Variants in RBM5 observed in about 807,000 individuals in gnomAD.
RBM5 encodes RNA-binding protein 5.
In RBM5, 15 loss-of-function variants were observed where a neutral mutation model predicts 124.6. The ratio of observed to expected loss-of-function variants is 0.12; its 90% CI spans 0.08 to 0.19. The LOEUF (loss-of-function observed/expected upper bound fraction) is 0.19. Among genes scored for constraint, RBM5 ranks in the 10% least tolerant of loss-of-function variants. RBM5 has a pLI of 1.00. For missense variants in RBM5, 580 were observed against 1,026.5 expected (o/e 0.57, Z 5.94); for synonymous variants, 337 against 361.2 (o/e 0.93, Z 0.76).
At chr3:50,096,210 C>T (rs2090811316) in intron 4 of RBM5, among the ~76,000 whole-genome samples, 1 of 151,744 alleles carries the variant, frequency 6.6e-6, no homozygotes, top group African/African-American at 2.4e-5. Context: ...GGTCAGAGGC[C>T]GAGTATGGTA....
At chr3:50,091,954 T>C (rs1477216476) in intron 2 of RBM5, 89 bp from the exon 3 acceptor site, 2 of 1,379,350 alleles carry the variant, frequency 1.4e-6, no homozygotes. Flanking sequence ...TCTTATAAAC[T>C]GATCTGTGGG....
In RBM5 at chr3:50,118,596, T is replaced by G; in HGVS notation, c.*140T>G. 7.7e-7 allele frequency: 1 copy of G among 1,303,714 alleles called. No individual in the cohort carries two copies. The highest frequency in any genetic ancestry group is 1.0e-6 in the Non-Finnish European group (1 of 963,490). 80.8% of individuals were successfully genotyped at this position (1,303,714 alleles called of 1,614,324 possible). A position where few individuals can be genotyped will look rare whatever the true frequency, so the allele number is the denominator to read the frequency against. On this transcript the variant is annotated 3_prime_UTR_variant, in exon 25 of 25. Coordinates refer to ENST00000347869, the MANE Select transcript of RBM5 (RefSeq NM_005778.4). ...TGAACCACTTCATTCTGCAGGGTTC[T>G]CCCTCCCACCTTAAAGAAGTTCCCC...
intron 17 of RBM5, 174 bp downstream of exon 17, chr3:50,110,944 G>A: frequency 6.3e-5 from 36 of 567,186 alleles, no homozygotes; most frequent in South Asian, 8.2e-5. Context: ...TTAATTGTAG[G>A]GTTAAAAAAT....
chr3:50,113,305 CT>C (rs11375869), intron 17 of RBM5, 77 bp from the exon 18 acceptor site: 145 of 1,448,434 alleles, frequency 1.0e-4, no homozygotes, highest in South Asian at 1.8e-4. Flanking sequence ...CATACTTTAT[CT>C]TTTTTTTGAC....
At chr3:50,105,778 T>C in intron 10 of RBM5, 69 bp downstream of exon 10, 3 of 1,533,540 alleles carry the variant, frequency 2.0e-6, no homozygotes, top group South Asian at 1.2e-5. Flanking sequence ...GTTCATCCAG[T>C]TTTGAAACTG....
Position 50,100,034 on chromosome 3 carries a change from T to C in RBM5, c.392T>C (p.Leu131Pro). 6.2e-7 allele frequency: 1 copy of C among 1,614,004 alleles called. No homozygotes were observed. The highest frequency in any genetic ancestry group is 8.5e-7 in the Non-Finnish European group (1 of 1,179,994). The change falls in exon 5 of 25, where the codon CTG (leucine) becomes CCG (proline). Residue 131 changes from leucine to proline, a missense_variant. Physicochemically the swap from Leu to Pro is moderately conservative, Grantham distance 98. Around this residue, in one of 6 missense-constraint regions of RBM5, gnomAD observed 101 missense variants for 223.2 expected, o/e 0.45. Transcript: ENST00000347869. The surrounding 1 kb of genome is among the most constrained non-coding windows in gnomAD (Gnocchi z 5.1). ...FEGPQPADVR[L>P]MKRKTGVSRG... ...GGCCCTCAGCCTGCGGATGTGAGGCTGATGAAGAGGAAAACAGGTGAGAGC... is the reference window on the plus strand; with the variant it reads ...GGCCCTCAGCCTGCGGATGTGAGGCCGATGAAGAGGAAAACAGGTGAGAGC...
chr3:50,117,426 G>A lies in RBM5; in HGVS notation c.2322+47G>A. 2 of 1,608,442 alleles carry A rather than the reference G, an allele frequency of 1.2e-6. No individual in the cohort carries two copies. The highest frequency in any genetic ancestry group is 1.1e-5 in the South Asian group (1 of 90,488). On this transcript the variant is annotated intron_variant, in intron 24 of 24. Coordinates refer to ENST00000347869, the MANE Select transcript of RBM5 (RefSeq NM_005778.4). The surrounding 1 kb of genome is among the most constrained non-coding windows in gnomAD (Gnocchi z 4.2). ...TGATGTTTGCCAGGCTTACAGGCCG[G>A]TTCCAGAGATGAGATCAGAGCACTC... is the stretch of plus-strand genomic sequence containing the variant.
In RBM5 at chr3:50,104,230, T is replaced by A. The variant is rs1361696676; in HGVS notation, c.568-18T>A. 1 of 1,611,626 alleles carries A rather than the reference T, an allele frequency of 6.2e-7. No individual in the cohort carries two copies. Among genetic ancestry groups the A allele is most frequent in the South Asian group, 1.1e-5 (1 of 91,030 alleles). On this transcript the variant is annotated intron_variant, in intron 7 of 24. Coordinates refer to ENST00000347869, the MANE Select transcript of RBM5 (RefSeq NM_005778.4). ...GCCTAATGTGAGAAATAATTACAGATAAAACTTTTTTTTTCAGTGCTGCCT... is the reference window on the plus strand; with the variant it reads ...GCCTAATGTGAGAAATAATTACAGAAAAAACTTTTTTTTTCAGTGCTGCCT...
intron 4 of RBM5, chr3:50,099,693 G>A (rs542199488): frequency 3.3e-4 from 62 of 186,102 alleles, no homozygotes; most frequent in African/African-American, 1.4e-3. Context: ...GCGAGACTCC[G>A]TCTCAAAAAA....
At chr3:50,112,850 A>G (rs764620303) in intron 17 of RBM5, 1 of 152,108 alleles carries the variant, frequency 6.6e-6, no homozygotes, top group Non-Finnish European at 1.5e-5. Flanking sequence ...GACTTTTTAA[A>G]TTTTTATTAT....
Position 50,093,781 on chromosome 3 carries a change from A to G in RBM5, c.245A>G (p.Tyr82Cys), listed in dbSNP as rs751289041. Reference sequence around the variant, plus strand: ...GATGGCTACCATTCAGATGGTGACTATGGTGAGCACGACTATAGGCATGAC... The same window carrying G: ...GATGGCTACCATTCAGATGGTGACTGTGGTGAGCACGACTATAGGCATGAC... Reference protein sequence around the residue: ...SEDGYHSDGDYGEHDYRHDIS... With the variant: ...SEDGYHSDGDCGEHDYRHDIS... The change falls in exon 4 of 25, where the codon TAT becomes TGT. Residue 82 changes from tyrosine to cysteine, a missense_variant. Tyr to Cys is a radical substitution (Grantham distance 194). Coordinates refer to ENST00000347869, the MANE Select transcript of RBM5 (RefSeq NM_005778.4). 1.7e-5 allele frequency: 28 copies of G among 1,614,088 alleles called. No individual in the cohort carries two copies. Among genetic ancestry groups the G allele is most frequent in the Middle Eastern group, 1.6e-4 (1 of 6,062 alleles).
intron 9 of RBM5, among the ~76,000 whole-genome samples, 173 bp from the exon 10 acceptor site, chr3:50,105,376 G>A (rs1015743548): frequency 3.3e-5 from 5 of 152,098 alleles, no homozygotes; most frequent in Non-Finnish European, 7.4e-5. Context: ...AGCAGCAGCA[G>A]CTTCGGGTTG....
At position 50,117,558 on chromosome 3, in the gene RBM5, A is replaced by G. The variant is rs1036933923; in HGVS notation, c.2322+179A>G. 5.2e-6 allele frequency: 4 copies of G among 767,918 alleles called. No individual in the cohort carries two copies. Among genetic ancestry groups the G allele is most frequent in the Middle Eastern group, 4.1e-4 (1 of 2,428 alleles). 47.6% of individuals were successfully genotyped at this position (767,918 alleles called of 1,614,324 possible). ...CACTTTGGGAGGCCGAGGAGGGTGG[A>G]TTGCCTGAGCCCAGAAGTTTGAGAC... On this transcript the variant is annotated intron_variant, in intron 24 of 24. Transcript: ENST00000347869. The surrounding 1 kb of genome is among the most constrained non-coding windows in gnomAD (Gnocchi z 4.2).
Position 50,108,309 on chromosome 3 carries a change from T to G in RBM5, c.1192+5T>G, listed in dbSNP as rs770957708. 6.2e-7 allele frequency: 1 copy of G among 1,603,176 alleles called. No homozygotes were observed. The highest frequency in any genetic ancestry group is 8.5e-7 in the Non-Finnish European group (1 of 1,170,018). ...CTGATGCATCATCTGCATCAGGTAG[T>G]AAACTTCATCTCCCTTTTACCTTTT... On this transcript the variant is annotated splice_donor_5th_base_variant and intron_variant, in intron 14 of 24. Coordinates refer to ENST00000347869, the MANE Select transcript of RBM5 (RefSeq NM_005778.4).
In RBM5 at chr3:50,117,019, C is replaced by T. The variant is rs767652012; in HGVS notation, c.2095-55C>T. ...GATAGTTTTGAATAGGTGCATTAGA[C>T]GGTTACAGGTTGAAGTCTGTGAACA... is the stretch of plus-strand genomic sequence containing the variant. On this transcript the variant is annotated intron_variant, in intron 22 of 24. Transcript: ENST00000347869. The surrounding 1 kb of genome is among the most constrained non-coding windows in gnomAD (Gnocchi z 4.2). The T allele has an allele frequency of 4.2e-5, 63 of 1,500,722 alleles. No individual in the cohort carries two copies. Among genetic ancestry groups the T allele is most frequent in the Non-Finnish European group, 4.9e-5 (53 of 1,078,022 alleles). 93.0% of individuals were successfully genotyped at this position (1,500,722 alleles called of 1,614,324 possible). A position where few individuals can be genotyped will look rare whatever the true frequency, so the allele number is the denominator to read the frequency against.
Position 50,114,006 on chromosome 3 carries a change from T to A in RBM5, c.1674T>A (p.Phe558Leu). 2 of 1,614,168 alleles carry A rather than the reference T, an allele frequency of 1.2e-6. No individual in the cohort carries two copies. The highest frequency in any genetic ancestry group is 1.7e-6 in the Non-Finnish European group (2 of 1,180,036). ...GTTTGAATAAGCAGAAAGAAAACTT[T>A]AAAAATAGCTTTCAGCCTGTCAATT... ...AKSLNKQKEN[F>L]KNSFQPVNSL... Residue 558 changes from phenylalanine (F) to leucine (L), a missense_variant, in exon 19 of 25, where the codon TTT becomes TTA. Physicochemically the swap from Phe to Leu is conservative, Grantham distance 22. Around this residue, in one of 6 missense-constraint regions of RBM5, gnomAD observed 234 missense variants for 435.1 expected, o/e 0.54. Coordinates refer to ENST00000347869, the MANE Select transcript of RBM5 (RefSeq NM_005778.4).
intron 3 of RBM5, among the ~76,000 whole-genome samples, chr3:50,092,541 G>A (rs1427123852): frequency 1.4e-5 from 2 of 143,888 alleles, no homozygotes; most frequent in Non-Finnish European, 3.0e-5. Flanking sequence ...CAGCATGGGT[G>A]ACAAAGCAAG....
chr3:50,114,493 A>G (rs2091205432), intron 20 of RBM5: 1 of 485,342 alleles, frequency 2.1e-6, no homozygotes, highest in South Asian at 3.2e-5. Flanking sequence ...GTTTCATTGC[A>G]TCTGTGAGTG....
Position 50,104,280 on chromosome 3 carries a change from A to G in RBM5, c.600A>G (p.Lys200=). The G allele has an allele frequency of 1.2e-6, 2 of 1,614,148 alleles. No individual in the cohort carries two copies. Among genetic ancestry groups the G allele is most frequent in the Non-Finnish European group, 1.7e-6 (2 of 1,179,996 alleles). ...TTAACAATTTCAGGAAAAGACTAAAATGCTTCCGATGTGGAGCAGACAAGT... is the reference window on the plus strand; with the variant it reads ...TTAACAATTTCAGGAAAAGACTAAAGTGCTTCCGATGTGGAGCAGACAAGT... ...CCLNNFRKRL[K]CFRCGADKFD... is the part of the protein sequence containing the mutation. The change falls in exon 8 of 25, where the codon AAA becomes AAG. Residue 200 remains lysine (K), a synonymous_variant. Transcript: ENST00000347869.
Sources: gnomAD v4.1 joint callset for allele counts (sites outside exome capture counted in the v4.1 genomes callset) on GRCh38, gnomAD v4.1.1 for gene constraint, gnomAD v4.1.1 regional missense constraint, Gnocchi (gnomAD v3.1) non-coding constraint, MANE v1.5 for transcripts, NCBI Gene and HGNC (gene_info 2026-07-23, HGNC 2026-07-21) for gene names.